Variants in FOXJ3 observed in about 807,000 individuals in gnomAD.
The protein encoded by FOXJ3 is forkhead box J3, also known as forkhead box protein J3.
FOXJ3 carries 22 observed loss-of-function variants against 76.1 expected under a neutral mutation model. That is an observed-to-expected ratio of 0.29 (90% CI 0.21 to 0.41). The LOEUF (loss-of-function observed/expected upper bound fraction) is 0.41, where lower values mean the gene tolerates loss of function less well. Ranked by LOEUF, FOXJ3 falls within the 10% of genes least tolerant of loss-of-function variation. The pLI is 1.00. For synonymous variants in FOXJ3, 269 were observed against 261.2 expected (o/e 1.03, Z -0.29); for missense variants, 613 against 762.1 (o/e 0.80, Z 2.30).
chr1:42,238,670 C>A (rs1043610501), intron 4 of FOXJ3, among the ~76,000 whole-genome samples: 1 of 152,116 alleles, frequency 6.6e-6, no homozygotes, highest in Admixed American at 6.5e-5. Flanking sequence ...GAGATCCTCC[C>A]ACCTCAGCCT....
chr1:42,265,078 C>T (rs751238990), intron 4 of FOXJ3, 37 bp downstream of exon 4: 4 of 1,228,490 alleles, frequency 3.3e-6, no homozygotes, highest in Middle Eastern at 1.9e-4. Flanking sequence ...AAGTGACATA[C>T]TGAAGAATTC....
chr1:42,244,940 G>A (rs1479041641), intron 4 of FOXJ3, among the ~76,000 whole-genome samples: 2 of 152,114 alleles, frequency 1.3e-5, no homozygotes, highest in South Asian at 2.1e-4. Flanking sequence ...CAAGCACCTT[G>A]GGAGGCCGAG....
intron 1 of FOXJ3, among the ~76,000 whole-genome samples, chr1:42,315,006 A>G (rs1655022873): frequency 1.3e-5 from 2 of 152,274 alleles, no homozygotes; most frequent in South Asian, 2.1e-4. Context: ...ATTCAGCCAT[A>G]AAAAGGAATG....
At chr1:42,287,773 C>G (rs1462575796) in intron 2 of FOXJ3, among the ~76,000 whole-genome samples, 1 of 152,064 alleles carries the variant, frequency 6.6e-6, no homozygotes, top group Admixed American at 6.6e-5. Flanking sequence ...TCAGCATGGG[C>G]AACATGGCGA....
intron 2 of FOXJ3, among the ~76,000 whole-genome samples, 177 bp downstream of exon 2, chr1:42,310,873 A>G (rs1043766228): frequency 2.6e-5 from 4 of 152,188 alleles, no homozygotes; most frequent in African/African-American, 9.7e-5. Context: ...TCCCATTACC[A>G]CGAAAATTTC....
chr1:42,325,494 G>A (rs184198849), intron 1 of FOXJ3, among the ~76,000 whole-genome samples: 26 of 152,280 alleles, frequency 1.7e-4, no homozygotes, highest in African/African-American at 5.8e-4. Flanking sequence ...TGCCTTAGTC[G>A]TGTCCCCAGT....
Position 42,199,526 on chromosome 1 carries a change from T to C in FOXJ3, c.631-296A>G, listed in dbSNP as rs565229108. Among the ~76,000 whole-genome samples, 18 of 152,272 alleles carry C rather than the reference T, an allele frequency of 1.2e-4. No homozygotes were observed. The East Asian group carries it at 2.9e-3, about 24-fold the overall frequency. ...TAACAAGAGAGGAATATAACAGATT[T>C]TTACTTTATTAAATATTTCTATAAT... On this transcript the variant is annotated intron_variant, in intron 6 of 12. Transcript: ENST00000361346.
intron 4 of FOXJ3, among the ~76,000 whole-genome samples, chr1:42,258,679 T>C (rs1261227715): frequency 6.6e-6 from 1 of 152,196 alleles, no homozygotes; most frequent in African/African-American, 2.4e-5. Flanking sequence ...TTAAAATATG[T>C]AATTGGCATA....
intron 4 of FOXJ3, among the ~76,000 whole-genome samples, chr1:42,230,312 CCCA>C (rs1238092472): frequency 6.6e-6 from 1 of 152,042 alleles, no homozygotes; most frequent in Non-Finnish European, 1.5e-5. Context: ...ACACTTTATA[CCCA>C]CTAGCATGTC....
Position 42,334,765 on chromosome 1 carries a change from G to C in FOXJ3, c.-18+294C>G, listed in dbSNP as rs556694426. 4.6e-5 allele frequency among the ~76,000 whole-genome samples: 7 copies of C among 150,928 alleles called. No individual in the cohort carries two copies. In the East Asian group the frequency reaches 1.4e-3, roughly 30 times the overall value. On this transcript the variant is annotated intron_variant, in intron 1 of 12. Transcript: ENST00000361346. The stretch of plus-strand genomic sequence containing the variant: ...CCCCGGGATCCACGTCTGGTTCCCC[G>C]GTGCCCCGCCTGGGGGAGGGGCGGG...
intron 11 of FOXJ3, 71 bp downstream of exon 11, chr1:42,188,666 G>C: frequency 9.7e-7 from 1 of 1,028,790 alleles, no homozygotes; most frequent in Middle Eastern, 2.2e-4. Flanking sequence ...AAACCAAGTT[G>C]GTTAAGACAG....
intron 4 of FOXJ3, among the ~76,000 whole-genome samples, chr1:42,248,316 C>T (rs765118731): frequency 2.6e-5 from 4 of 152,062 alleles, no homozygotes; most frequent in South Asian, 2.1e-4. Flanking sequence ...GGGCCGATCA[C>T]GAGGTCAGGA....
chr1:42,223,381 A>C (rs919613913), intron 5 of FOXJ3, among the ~76,000 whole-genome samples: 4 of 152,228 alleles, frequency 2.6e-5, no homozygotes, highest in African/African-American at 9.6e-5. Context: ...TCCTGATCTC[A>C]TAACTTTAGT....
intron 2 of FOXJ3, among the ~76,000 whole-genome samples, chr1:42,307,884 T>C (rs1654563346): frequency 6.6e-6 from 1 of 152,202 alleles, no homozygotes; most frequent in Non-Finnish European, 1.5e-5. Flanking sequence ...GTAAGTCTAA[T>C]TTTAACAACA....
intron 1 of FOXJ3, among the ~76,000 whole-genome samples, chr1:42,316,727 CCAGA>C (rs1410169364): frequency 3.3e-5 from 5 of 152,030 alleles, no homozygotes; most frequent in African/African-American, 7.3e-5. Context: ...TAGTGTAACA[CCAGA>C]CAAAGGTAAG....
At chr1:42,329,741 G>C (rs962162777) in intron 1 of FOXJ3, among the ~76,000 whole-genome samples, 1 of 152,200 alleles carries the variant, frequency 6.6e-6, no homozygotes, top group Non-Finnish European at 1.5e-5. Context: ...ATGTATCTTT[G>C]TACACTGTAG....
Position 42,282,548 on chromosome 1 carries a change from C to A in FOXJ3, c.45-3876G>T, listed in dbSNP as rs1433392078. The stretch of plus-strand genomic sequence containing the variant: ...TTGAATCATATGCTTAAGCTTTCTA[C>A]CCTCACCTCCTCTCCCCCAACCACT... On this transcript the variant is annotated intron_variant, in intron 2 of 12. Transcript: ENST00000361346. Among the ~76,000 whole-genome samples the A allele has an allele frequency of 2.6e-5, 4 of 152,188 alleles. No homozygotes were observed. The South Asian group carries it at 8.3e-4, about 32-fold the overall frequency.
chr1:42,334,307 G>A (rs1656333053), intron 1 of FOXJ3, among the ~76,000 whole-genome samples: 1 of 152,128 alleles, frequency 6.6e-6, no homozygotes, highest in African/African-American at 2.4e-5. Flanking sequence ...CCAACAGCCG[G>A]CCTCGGCAAA....
chr1:42,294,762 C>CAAAAAAAAAAAAAAAAA (rs5773766), intron 2 of FOXJ3, among the ~76,000 whole-genome samples: 16 of 105,674 alleles, frequency 1.5e-4, no homozygotes, highest in African/African-American at 6.1e-4. Context: ...AACTTGGTCT[C>CAAAAAAAAAAAAAAAAA]AAAAAAAAAA....
Sources: gnomAD v4.1 joint callset for allele counts (sites outside exome capture counted in the v4.1 genomes callset) on GRCh38, gnomAD v4.1.1 for gene constraint, MANE v1.5 for transcripts, NCBI Gene and HGNC (gene_info 2026-07-23, HGNC 2026-07-21) for gene names.